CCDC180: variants seen among roughly 807,000 people sequenced by gnomAD.
CCDC180 encodes coiled-coil domain containing 180, also known as coiled-coil domain-containing protein 180.
Under a neutral mutation model 209.2 loss-of-function variants are expected in CCDC180, and 154 were observed. The ratio of observed to expected loss-of-function variants is 0.74; its 90% CI spans 0.65 to 0.84. The LOEUF is 0.84. Ranked by LOEUF, CCDC180 falls within the 40% of genes least tolerant of loss-of-function variation. The pLI, the probability that CCDC180 is intolerant of heterozygous loss-of-function variation, is 0.00. For synonymous variants in CCDC180, 778 were observed against 749.1 expected, an observed-to-expected ratio of 1.04 and a Z score of -0.63; for missense variants, 1,874 against 1,997.3, an observed-to-expected ratio of 0.94 and a Z score of 1.18.
At chr9:97,342,724 A>G (rs540476820) in intron 18 of CCDC180, among the ~76,000 whole-genome samples, 4 of 152,130 alleles carry the variant, frequency 2.6e-5, no homozygotes, top group South Asian at 2.1e-4. Context: ...GAATAGATCA[A>G]CTTAAACTCT....
intron 35 of CCDC180, 71 bp from the exon 36 acceptor site, chr9:97,375,383 A>T: frequency 6.3e-7 from 1 of 1,585,816 alleles, no homozygotes; most frequent in Non-Finnish European, 8.6e-7. Flanking sequence ...AAGCTTTTCC[A>T]ACAGGGTTGG....
At chr9:97,323,243 T>G (rs1833414487) in intron 12 of CCDC180, among the ~76,000 whole-genome samples, 1 of 152,148 alleles carries the variant, frequency 6.6e-6, no homozygotes, top group South Asian at 2.1e-4. Flanking sequence ...AAGTGTGCGC[T>G]CTCAGATCAC....
At chr9:97,314,014 C>G (rs970664902) in intron 5 of CCDC180, among the ~76,000 whole-genome samples, 1 of 152,244 alleles carries the variant, frequency 6.6e-6, no homozygotes, top group Non-Finnish European at 1.5e-5. Context: ...GATGCCAGGT[C>G]TGCTTTCACC....
At chr9:97,368,084 A>G (rs1260016963) in intron 31 of CCDC180, among the ~76,000 whole-genome samples, 1 of 152,150 alleles carries the variant, frequency 6.6e-6, no homozygotes, top group African/African-American at 2.4e-5. Context: ...TAAACTCACA[A>G]CTAGTGAAGA....
Position 97,317,168 on chromosome 9 carries a change from G to A in CCDC180, c.899G>A (p.Trp300Ter). Residue 300 changes from tryptophan (W) to a stop codon, truncating the protein, a stop_gained, in exon 9 of 37, where the codon TGG becomes TAG. Coordinates refer to ENST00000529487, the MANE Select transcript of CCDC180 (RefSeq NM_020893.6). LOFTEE classifies it high-confidence loss of function. ...CAGGAGCTGGACAGCCGCCACCGCT[G>A]GCAAGGCTTGGTGGACACCTGGAAG... The part of the protein sequence containing the change: ...LQQELDSRHR[W>*]QGLVDTWKAL... The A allele has an allele frequency of 1.9e-6, 3 of 1,613,192 alleles. No individual in the cohort carries two copies. The highest frequency in any genetic ancestry group is 2.5e-6 in the Non-Finnish European group (3 of 1,179,604).
intron 33 of CCDC180, 154 bp downstream of exon 33, chr9:97,370,932 G>A (rs921324077): frequency 3.8e-6 from 2 of 520,102 alleles, no homozygotes; most frequent in Admixed American, 3.7e-5. Flanking sequence ...GCCATTATTG[G>A]CTGTTTTAAC....
At chr9:97,355,129 C>T (rs1465315412) in intron 24 of CCDC180, 121 bp downstream of exon 24, 10 of 661,348 alleles carry the variant, frequency 1.5e-5, no homozygotes, top group Non-Finnish European at 2.7e-5. Context: ...GCTCTCCAGC[C>T]AGGAAGACAG....
At chr9:97,351,242 C>T (rs1305608655) in intron 22 of CCDC180, among the ~76,000 whole-genome samples, 1 of 152,192 alleles carries the variant, frequency 6.6e-6, no homozygotes, top group Admixed American at 6.5e-5. Context: ...ACTGTTTCCA[C>T]AGCAGCTGCG....
chr9:97,312,260 G>C (rs1330158906), intron 4 of CCDC180, 59 bp downstream of exon 4: 1 of 1,467,290 alleles, frequency 6.8e-7, no homozygotes, highest in African/African-American at 1.4e-5. Flanking sequence ...GACCTGGGCA[G>C]GAGGTGGGGA....
chr9:97,331,760 G>A (rs936160666), intron 18 of CCDC180, among the ~76,000 whole-genome samples: 4 of 152,030 alleles, frequency 2.6e-5, no homozygotes, highest in African/African-American at 9.7e-5. Flanking sequence ...TTTGGTTTTT[G>A]CTTGTTAATT....
At chr9:97,326,742 C>A in intron 15 of CCDC180, 73 bp downstream of exon 15, 1 of 956,926 alleles carries the variant, frequency 1.0e-6, no homozygotes, top group Non-Finnish European at 1.7e-6. Context: ...GGCAGCCTGC[C>A]CAAGAGCCCA....
In CCDC180 at chr9:97,313,281, A is replaced by G. The variant is rs767086192; in HGVS notation, c.395A>G (p.His132Arg). ...AGCACCTTTCAAAGGCAAGCAGAAC[A>G]CAAGAGGAAGAGCTACGAGAGCGCT... The part of the protein sequence containing the change: ...STSTFQRQAE[H>R]KRKSYESALA... The change falls in exon 5 of 37, where the codon CAC (histidine) becomes CGC (arginine). Residue 132 changes from histidine (H) to arginine (R), a missense_variant. Coordinates refer to ENST00000529487, the MANE Select transcript of CCDC180 (RefSeq NM_020893.6). 2 of 1,612,586 alleles carry G rather than the reference A, an allele frequency of 1.2e-6. No homozygotes were observed. Among genetic ancestry groups the G allele is most frequent in the African/African-American group, 2.7e-5 (2 of 75,016 alleles).
Position 97,375,600 on chromosome 9 carries a change from G to T in CCDC180, c.4842+11G>T, listed in dbSNP as rs1481230160. 1.2e-6 allele frequency: 2 copies of T among 1,614,156 alleles called. No homozygotes were observed. Among genetic ancestry groups the T allele is most frequent in the Non-Finnish European group, 1.7e-6 (2 of 1,180,028 alleles). ...GATGCTGTGTACCTGGTGAGACAGG[G>T]TGGAGTGGGCGTGTCCCAGGGAGCA... is the stretch of plus-strand genomic sequence containing the variant. On this transcript the variant is annotated intron_variant, in intron 36 of 36. Coordinates refer to ENST00000529487, the MANE Select transcript of CCDC180 (RefSeq NM_020893.6).
chr9:97,336,318 C>G (rs1825902501), intron 18 of CCDC180, among the ~76,000 whole-genome samples: 1 of 152,072 alleles, frequency 6.6e-6, no homozygotes, highest in African/African-American at 2.4e-5. Flanking sequence ...AGTCTTTAAT[C>G]CATCTTGAAT....
chr9:97,312,326 T>A, intron 4 of CCDC180, 125 bp downstream of exon 4: 1 of 734,402 alleles, frequency 1.4e-6, no homozygotes, highest in Admixed American at 2.6e-5. Context: ...GTTCCTCGGC[T>A]CAGCCACCCG....
In CCDC180 at chr9:97,369,904, T is replaced by A; in HGVS notation, c.4190-18T>A. On this transcript the variant is annotated intron_variant, in intron 31 of 36. Coordinates refer to ENST00000529487, the MANE Select transcript of CCDC180 (RefSeq NM_020893.6). ...TAATCTGTTCCCTCCCTTGGCCTCT[T>A]ACCCGCACTTCTGGCAGAATTACGG... 6.2e-7 allele frequency: 1 copy of A among 1,613,894 alleles called. No individual in the cohort carries two copies. The highest frequency in any genetic ancestry group is 8.5e-7 in the Non-Finnish European group (1 of 1,179,916).
chr9:97,363,421 G>A (rs560538268), intron 28 of CCDC180: 27 of 294,764 alleles, frequency 9.2e-5, no homozygotes, highest in South Asian at 7.8e-4. Flanking sequence ...TGGCCTTCTG[G>A]GTAGGTTGCT....
intron 18 of CCDC180, among the ~76,000 whole-genome samples, chr9:97,341,332 G>A (rs10118493): frequency 0.11 from 17,033 of 151,978 alleles, 2,742 homozygotes; most frequent in African/African-American, 0.35. Context: ...TCTCCTCTCC[G>A]CACACGGGGA....
intron 34 of CCDC180, chr9:97,372,755 G>A (rs1827139433): frequency 6.8e-6 from 1 of 147,106 alleles, no homozygotes; most frequent in South Asian, 2.2e-4. Flanking sequence ...AGCTCCTAGA[G>A]GTGGAGGGCG....
Sources: gnomAD v4.1 joint callset for allele counts (sites outside exome capture counted in the v4.1 genomes callset) on GRCh38, gnomAD v4.1.1 for gene constraint, MANE v1.5 for transcripts, NCBI Gene and HGNC (gene_info 2026-07-23, HGNC 2026-07-21) for gene names.